MYO9A: variants seen among roughly 807,000 people sequenced by gnomAD.
The protein encoded by MYO9A is myosin IXA.
A neutral mutation model predicts 293.3 loss-of-function variants in MYO9A; 103 were observed. The observed-to-expected ratio is 0.35, with a 90% confidence interval of 0.30 to 0.41. The LOEUF is 0.41. Among genes scored for constraint, MYO9A ranks in the 10% least tolerant of loss-of-function variants. The probability of loss-of-function intolerance (pLI) is 1.00; values close to 1 mark genes in which losing one functional copy is unlikely to be tolerated. For missense variants in MYO9A, 2,685 were observed against 3,033.0 expected (o/e 0.89, Z 2.69); for synonymous variants, 1,001 against 1,035.7 (o/e 0.97, Z 0.64).
intron 33 of MYO9A, among the ~76,000 whole-genome samples, chr15:71,861,344 G>A (rs963241530): frequency 1.3e-5 from 2 of 151,440 alleles, no homozygotes; most frequent in Non-Finnish European, 2.9e-5. Context: ...CAGAGCAGAT[G>A]TATAAAATAA....
intron 1 of MYO9A, among the ~76,000 whole-genome samples, chr15:72,087,981 A>C (rs2079794532): frequency 6.6e-6 from 1 of 152,132 alleles, no homozygotes; most frequent in Admixed American, 6.5e-5. Context: ...GAAAGGTCCT[A>C]CTTCAATAGG....
chr15:71,988,475 C>G (rs887215857), intron 11 of MYO9A, among the ~76,000 whole-genome samples: 1 of 152,164 alleles, frequency 6.6e-6, no homozygotes, highest in Admixed American at 6.5e-5. Flanking sequence ...CTTTCCAAAG[C>G]TCTAGGGTAG....
At chr15:71,835,249 T>C (rs2054892516) in intron 39 of MYO9A, among the ~76,000 whole-genome samples, 2 of 152,162 alleles carry the variant, frequency 1.3e-5, no homozygotes, top group African/African-American at 4.8e-5. Context: ...ATGCCAGTAA[T>C]GATCACTATC....
chr15:71,928,235 G>A (rs1382704092), intron 18 of MYO9A, among the ~76,000 whole-genome samples: 2 of 145,572 alleles, frequency 1.4e-5, no homozygotes, highest in African/African-American at 2.5e-5. Flanking sequence ...CCGCCACTAC[G>A]CCCGGCTAAT....
intron 8 of MYO9A, among the ~76,000 whole-genome samples, chr15:72,002,075 C>T (rs1362520984): frequency 6.6e-6 from 1 of 152,022 alleles, no homozygotes; most frequent in Non-Finnish European, 1.5e-5. Flanking sequence ...GACAACACAG[C>T]AAGACCTCCT....
intron 32 of MYO9A, among the ~76,000 whole-genome samples, chr15:71,874,820 C>T (rs2056632350): frequency 6.6e-6 from 1 of 152,178 alleles, no homozygotes; most frequent in South Asian, 2.1e-4. Flanking sequence ...CTCAACATAG[C>T]AGCTTCTTCA....
chr15:71,993,726 T>C (rs1397591892), intron 10 of MYO9A: 1 of 152,116 alleles, frequency 6.6e-6, no homozygotes, highest in Non-Finnish European at 1.5e-5. Flanking sequence ...TCGCAGCACT[T>C]TGGGAGACCA....
chr15:72,005,575 C>T (rs2076992865), intron 8 of MYO9A, among the ~76,000 whole-genome samples: 1 of 152,316 alleles, frequency 6.6e-6, no homozygotes, highest in East Asian at 1.9e-4. Context: ...CACTCCATCT[C>T]CTGGTAGAAC....
intron 1 of MYO9A, among the ~76,000 whole-genome samples, chr15:72,060,548 T>C (rs1043285545): frequency 1.3e-5 from 2 of 152,052 alleles, no homozygotes; most frequent in South Asian, 2.1e-4. Context: ...AGCACAGAGA[T>C]TGTGGGACTT....
At position 71,951,934 on chromosome 15, in the gene MYO9A, GA is replaced by G. The variant is rs1460885258; in HGVS notation, c.2183-39del. On this transcript the variant is annotated intron_variant, in intron 14 of 41. Transcript: ENST00000356056. Reference sequence around the variant, plus strand: ...AAAAAAACAAACAAAAAAAAAAGGAGAAAAGAAAAAGACATTATATAAGCCC... The same window carrying G: ...AAAAAAACAAACAAAAAAAAAAGGAGAAAGAAAAAGACATTATATAAGCCC... The G allele has an allele frequency of 3.2e-6, 5 of 1,552,266 alleles. No individual in the cohort carries two copies. In the East Asian group the frequency reaches 1.1e-4, roughly 35 times the overall value.
At chr15:71,870,719 A>G (rs1388715274) in intron 32 of MYO9A, among the ~76,000 whole-genome samples, 1 of 152,204 alleles carries the variant, frequency 6.6e-6, no homozygotes, top group East Asian at 1.9e-4. Context: ...ATATCCTTCC[A>G]TATACTTTAT....
intron 39 of MYO9A, among the ~76,000 whole-genome samples, chr15:71,845,841 A>C (rs796616325): frequency 3.9e-5 from 6 of 152,348 alleles, no homozygotes; most frequent in African/African-American, 1.4e-4. Context: ...ATCTCAAGAA[A>C]GAGTATTAGT....
Position 71,847,327 on chromosome 15 carries a change from T to A in MYO9A, c.6837+1518A>T. 2.6e-5 allele frequency: 10 copies of A among 389,240 alleles called. 1 individual carries two copies. Among genetic ancestry groups the A allele is most frequent in the South Asian group, 1.6e-4 (9 of 56,090 alleles). 24.1% of individuals were successfully genotyped at this position (389,240 alleles called of 1,614,324 possible). On this transcript the variant is annotated intron_variant, in intron 39 of 41. Coordinates refer to ENST00000356056, the MANE Select transcript of MYO9A (RefSeq NM_006901.4). ...GCCGAACATGGAGGGTGGACAGGCA[T>A]GAATGATAGACAGGGCGGAACAATT...
chr15:72,100,563 C>T (rs1162651292), intron 1 of MYO9A, among the ~76,000 whole-genome samples: 1 of 151,798 alleles, frequency 6.6e-6, no homozygotes. Flanking sequence ...AGGAGCGTCT[C>T]TGCCCGGCCG....
chr15:71,897,467 A>G lies in MYO9A; in HGVS notation c.5036T>C (p.Ile1679Thr), dbSNP rs200874234. 1.2e-6 allele frequency: 2 copies of G among 1,603,876 alleles called. No individual in the cohort carries two copies. Among genetic ancestry groups the G allele is most frequent in the East Asian group, 2.2e-5 (1 of 44,704 alleles). Residue 1679 changes from isoleucine to threonine, a missense_variant, in exon 25 of 42, where the codon ATT becomes ACT. Coordinates refer to ENST00000356056, the MANE Select transcript of MYO9A (RefSeq NM_006901.4). The part of the protein sequence containing the change: ...IFFTPKDNMS[I>T]PLVSKEALNS... ...AAATAAACATTTCACTTACAGGGGA[A>G]TACTCATATTGTCCTTTGGAGTGAA...
At chr15:71,924,294 C>A (rs2058233526) in intron 18 of MYO9A, among the ~76,000 whole-genome samples, 1 of 151,904 alleles carries the variant, frequency 6.6e-6, no homozygotes, top group Admixed American at 6.6e-5. Context: ...CAGGTTGGAG[C>A]CCAGTGGCGT....
chr15:72,092,506 G>T (rs2079946480), intron 1 of MYO9A, among the ~76,000 whole-genome samples: 1 of 152,150 alleles, frequency 6.6e-6, no homozygotes, highest in Admixed American at 6.5e-5. Flanking sequence ...GAGCCCAGGG[G>T]TTTAAGACTG....
chr15:72,092,802 A>C (rs1411188313), intron 1 of MYO9A, among the ~76,000 whole-genome samples: 1 of 150,202 alleles, frequency 6.7e-6, no homozygotes, highest in Non-Finnish European at 1.5e-5. Flanking sequence ...TTAAAAATGT[A>C]AAAAAAACTC....
At chr15:71,827,709 G>A (rs182750336) in intron 41 of MYO9A, among the ~76,000 whole-genome samples, 175 bp downstream of exon 41, 1 of 152,092 alleles carries the variant, frequency 6.6e-6, no homozygotes, top group Non-Finnish European at 1.5e-5. Flanking sequence ...GTCACTACCT[G>A]TATGCCAAAC....
Sources: allele counts gnomAD v4.1 joint callset (sites outside exome capture counted in the v4.1 genomes callset), GRCh38; gene constraint gnomAD v4.1.1; transcripts MANE v1.5; gene names NCBI Gene and HGNC (gene_info 2026-07-23, HGNC 2026-07-21).